Variants in ANK2 observed in about 807,000 individuals in gnomAD.
The protein encoded by ANK2 is ankyrin 2.
ANK2 carries 83 observed loss-of-function variants against 360.5 expected under a neutral mutation model. The ratio of observed to expected loss-of-function variants is 0.23; its 90% CI spans 0.19 to 0.28. ANK2 has a LOEUF of 0.28. ANK2 is among the 10% of genes least tolerant of loss of function. The pLI is 1.00. For missense variants in ANK2, 4,201 were observed against 4,795.7 expected, an observed-to-expected ratio of 0.88 and a Z score of 3.66; for synonymous variants, 1,740 against 1,759.5, an observed-to-expected ratio of 0.99 and a Z score of 0.28.
the ANK2 span, chr4:112,797,567 C>T: frequency 5.9e-6 from 1 of 168,502 alleles, no homozygotes; most frequent in South Asian, 1.8e-4. Context: ...AGTCTGACTC[C>T]TGTCTCCTGG....
chr4:113,024,714 C>G (rs2058885769), intron 2 of ANK2, among the ~76,000 whole-genome samples: 1 of 152,040 alleles, frequency 6.6e-6, no homozygotes, highest in South Asian at 2.1e-4. Context: ...TTCCCACTTA[C>G]AAAGAGCATA....
At chr4:112,936,636 G>A (rs934016899) in intron 2 of ANK2, among the ~76,000 whole-genome samples, 5 of 152,220 alleles carry the variant, frequency 3.3e-5, no homozygotes, top group South Asian at 4.1e-4. Flanking sequence ...GAGCCACCAC[G>A]CCCGGCCAGC....
chr4:112,832,969 CTA>C (rs1213965535), intron 1 of ANK2, among the ~76,000 whole-genome samples: 1 of 152,140 alleles, frequency 6.6e-6, no homozygotes, highest in African/African-American at 2.4e-5. Flanking sequence ...AGGTAGCATA[CTA>C]TATGTTAGGA....
chr4:113,024,212 G>A (rs539800959), intron 2 of ANK2, among the ~76,000 whole-genome samples: 32 of 152,130 alleles, frequency 2.1e-4, no homozygotes, highest in African/African-American at 7.5e-4. Flanking sequence ...TATTTATCAA[G>A]AGAGCATGCT....
rs776320443 is a variant in ANK2 at position 113,333,063 on chromosome 4, C to T, written c.3234C>T (p.Ile1078=). ...TGCATTGCTATGTCAGGCCTGTGAT[C>T]GTGGAGATCCCTCACTTTGCGGCCC... The part of the protein sequence containing the change: ...PPGTKFLGPV[I]VEIPHFAALR... Residue 1078 remains isoleucine (I), a synonymous_variant, in exon 29 of 46, where the codon ATC becomes ATT. Transcript: ENST00000357077. The T allele has an allele frequency of 1.3e-5, 21 of 1,613,984 alleles. No homozygotes were observed. The highest frequency in any genetic ancestry group is 1.7e-5 in the Non-Finnish European group (20 of 1,180,024).
chr4:112,825,350 TA>T (rs1345213034), intron 1 of ANK2, among the ~76,000 whole-genome samples: 1 of 151,840 alleles, frequency 6.6e-6, no homozygotes, highest in Non-Finnish European at 1.5e-5. Context: ...AAAAAAAATT[TA>T]AAAAAAGAAA....
the ANK2 span, among the ~76,000 whole-genome samples, chr4:112,754,616 G>A: frequency 1.3e-5 from 2 of 151,886 alleles, no homozygotes; most frequent in East Asian, 3.9e-4. Flanking sequence ...AAAAAACAGG[G>A]CCCACTGAGC....
At chr4:112,985,205 A>G (rs1363472620) in intron 2 of ANK2, among the ~76,000 whole-genome samples, 1 of 152,208 alleles carries the variant, frequency 6.6e-6, no homozygotes. Flanking sequence ...ATACTATTCT[A>G]TACCTAACCT....
intron 4 of ANK2, among the ~76,000 whole-genome samples, chr4:113,216,743 C>G (rs1159216050): frequency 6.6e-6 from 1 of 152,050 alleles, no homozygotes; most frequent in Admixed American, 6.6e-5. Flanking sequence ...ACAAGTATAA[C>G]GAGTGGGCAG....
chr4:113,220,822 A>G (rs2099142138), intron 4 of ANK2, among the ~76,000 whole-genome samples: 1 of 152,254 alleles, frequency 6.6e-6, no homozygotes, highest in African/African-American at 2.4e-5. Context: ...ATTGTCAGGA[A>G]CTAAGGAAAA....
At chr4:113,056,504 G>A (rs1227795612) in intron 1 of ANK2, among the ~76,000 whole-genome samples, 3 of 152,048 alleles carry the variant, frequency 2.0e-5, no homozygotes, top group Admixed American at 6.6e-5. Flanking sequence ...TCTAATTCCT[G>A]TTGGAGGCAG....
At chr4:112,881,818 C>A in intron 1 of ANK2, 1 of 927,622 alleles carries the variant, frequency 1.1e-6, no homozygotes, top group Non-Finnish European at 1.7e-6. Context: ...TCTTTAATGC[C>A]ACCAACAAAT....
chr4:113,022,117 A>T (rs2058312133), intron 2 of ANK2, among the ~76,000 whole-genome samples: 1 of 152,186 alleles, frequency 6.6e-6, no homozygotes, highest in Non-Finnish European at 1.5e-5. Context: ...GACAGACCCT[A>T]CCTGGGAAGG....
intron 45 of ANK2, among the ~76,000 whole-genome samples, chr4:113,373,907 C>T (rs564442517): frequency 3.9e-5 from 6 of 152,220 alleles, no homozygotes; most frequent in East Asian, 3.9e-4. Flanking sequence ...AAATCAGGAT[C>T]GAGAAACTCT....
chr4:112,724,426 T>A, the ANK2 span, among the ~76,000 whole-genome samples: 4 of 152,194 alleles, frequency 2.6e-5, no homozygotes, highest in South Asian at 8.3e-4. Context: ...GGATGCCTAA[T>A]ATGTGTTAGG....
the ANK2 span, among the ~76,000 whole-genome samples, chr4:112,812,608 A>G: frequency 6.6e-6 from 1 of 152,228 alleles, no homozygotes; most frequent in Non-Finnish European, 1.5e-5. Context: ...AGGTGCTCAA[A>G]TGATGCTAAG....
At chr4:113,047,912 T>C (rs538159295), upstream of ANK2, among the ~76,000 whole-genome samples, 1 of 152,018 alleles carries the variant, frequency 6.6e-6, no homozygotes, top group East Asian at 1.9e-4. Context: ...ATAGGTGAAT[T>C]TTTGTTGCTC....
chr4:113,288,882 A>G (rs1442931650), intron 20 of ANK2, among the ~76,000 whole-genome samples: 1 of 151,720 alleles, frequency 6.6e-6, no homozygotes, highest in Non-Finnish European at 1.5e-5. Flanking sequence ...CGTGCCTTTC[A>G]TTTTTAATGA....
chr4:112,975,053 C>A (rs2040903468), intron 2 of ANK2, among the ~76,000 whole-genome samples: 1 of 152,200 alleles, frequency 6.6e-6, no homozygotes, highest in Non-Finnish European at 1.5e-5. Context: ...AACTGTTACC[C>A]ACTCTCAGCC....
Sources: allele counts gnomAD v4.1 joint callset (sites outside exome capture counted in the v4.1 genomes callset), GRCh38; gene constraint gnomAD v4.1.1; transcripts MANE v1.5; gene names NCBI Gene and HGNC (gene_info 2026-07-23, HGNC 2026-07-21).